The following ESRRG variants were observed in gnomAD, a reference collection of about 807,000 sequenced individuals.
ESRRG encodes the protein estrogen-related receptor gamma.
A neutral mutation model predicts 44.0 loss-of-function variants in ESRRG; 13 were observed. The observed-to-expected ratio is 0.30, with a 90% CI of 0.19 to 0.47. The LOEUF (loss-of-function observed/expected upper bound fraction) is 0.47. ESRRG is among the 20% of genes least tolerant of loss of function. ESRRG has a pLI of 1.00. For synonymous variants in ESRRG, 215 were observed against 214.6 expected, an observed-to-expected ratio of 1.00 and a Z score of -0.02; for missense variants, 395 against 580.6, an observed-to-expected ratio of 0.68 and a Z score of 3.29.
chr1:216,585,384 A>T (rs2063571475), intron 3 of ESRRG, among the ~76,000 whole-genome samples: 1 of 152,152 alleles, frequency 6.6e-6, no homozygotes, highest in Admixed American at 6.5e-5. Context: ...TCTAAGTTTG[A>T]CTCATACCTT....
At chr1:216,562,360 A>G (rs2058916061) in intron 5 of ESRRG, among the ~76,000 whole-genome samples, 1 of 152,130 alleles carries the variant, frequency 6.6e-6, no homozygotes, top group Non-Finnish European at 1.5e-5. Flanking sequence ...GCCACTCTGA[A>G]GGTACTGGAT....
intron 2 of ESRRG, among the ~76,000 whole-genome samples, chr1:216,861,639 AT>A (rs1244096498): frequency 2.6e-5 from 4 of 152,116 alleles, no homozygotes; most frequent in Non-Finnish European, 5.9e-5. Context: ...GATAGTCAAA[AT>A]TTTTTTCTTT....
chr1:217,082,224 C>T (rs1432012634), intron 1 of ESRRG, among the ~76,000 whole-genome samples: 6 of 152,164 alleles, frequency 3.9e-5, no homozygotes, highest in African/African-American at 1.4e-4. Flanking sequence ...AACCGAAGAC[C>T]ACTCTGGAGC....
intron 1 of ESRRG, among the ~76,000 whole-genome samples, chr1:217,003,324 C>T (rs773044954): frequency 6.6e-6 from 1 of 152,002 alleles, no homozygotes. Flanking sequence ...CTCAGTTTCT[C>T]AACCTATAAA....
chr1:216,889,985 G>T (rs530250150), intron 2 of ESRRG, among the ~76,000 whole-genome samples: 19 of 152,266 alleles, frequency 1.2e-4, no homozygotes, highest in Non-Finnish European at 2.5e-4. Flanking sequence ...ACTTTAATAG[G>T]CTGGGTATGG....
intron 2 of ESRRG, among the ~76,000 whole-genome samples, chr1:216,779,117 T>C (rs80193354): frequency 2.7e-5 from 3 of 109,936 alleles, no homozygotes; most frequent in South Asian, 5.0e-4. Context: ...TATATATATA[T>C]AATTATATAT....
At chr1:217,103,922 A>G (rs79027678) in intron 1 of ESRRG, among the ~76,000 whole-genome samples, 1,800 of 152,200 alleles carry the variant, frequency 0.012, 32 homozygotes, top group African/African-American at 0.038. Context: ...GGCACTGGAA[A>G]TAGTAGGGGA....
chr1:217,062,689 A>G (rs1182230147), intron 1 of ESRRG, among the ~76,000 whole-genome samples: 2 of 152,208 alleles, frequency 1.3e-5, no homozygotes, highest in Non-Finnish European at 2.9e-5. Flanking sequence ...TGCAACCAGC[A>G]CTACTGGTTT....
At chr1:216,592,906 C>T (rs577995810) in intron 3 of ESRRG, among the ~76,000 whole-genome samples, 5 of 152,176 alleles carry the variant, frequency 3.3e-5, no homozygotes, top group South Asian at 2.1e-4. Context: ...TCATCTGATT[C>T]GCATATTTAT....
chr1:216,509,051 T>C (rs1487476080), intron 6 of ESRRG, among the ~76,000 whole-genome samples: 2 of 152,212 alleles, frequency 1.3e-5, no homozygotes, highest in African/African-American at 2.4e-5. Flanking sequence ...ATAATACATT[T>C]ACCATTTATT....
chr1:216,928,553 T>C (rs17044349), intron 2 of ESRRG, among the ~76,000 whole-genome samples: 16,446 of 152,216 alleles, frequency 0.11, 949 homozygotes, highest in East Asian at 0.2. Flanking sequence ...TTTATGAGTT[T>C]CCTAAGCACA....
At chr1:216,979,760 C>T (rs1025649) in intron 1 of ESRRG, among the ~76,000 whole-genome samples, 129,990 of 152,140 alleles carry the variant, frequency 0.85, 55,706 homozygotes, top group East Asian at 1. Flanking sequence ...TGTTTAATAA[C>T]TGGAATGAAA....
At chr1:216,958,923 T>C (rs1457520614) in intron 1 of ESRRG, among the ~76,000 whole-genome samples, 2 of 152,180 alleles carry the variant, frequency 1.3e-5, no homozygotes, top group African/African-American at 2.4e-5. Context: ...TGGAATATTC[T>C]GCACAAAATA....
chr1:216,838,341 T>C (rs2095600243), intron 2 of ESRRG, among the ~76,000 whole-genome samples: 1 of 152,246 alleles, frequency 6.6e-6, no homozygotes, highest in South Asian at 2.1e-4. Context: ...ATAAAAGTGT[T>C]GTCTTTAGTA....
intron 2 of ESRRG, among the ~76,000 whole-genome samples, chr1:216,891,794 C>CT (rs35043282): frequency 0.034 from 3,484 of 102,292 alleles, 111 homozygotes; most frequent in Non-Finnish European, 0.045. Flanking sequence ...GTGGTGCCCG[C>CT]TTTTTTTTTT....
chr1:217,129,615 G>A (rs1012218301), intron 1 of ESRRG, among the ~76,000 whole-genome samples: 4 of 152,212 alleles, frequency 2.6e-5, no homozygotes, highest in Admixed American at 6.5e-5. Context: ...CAGCGATAAA[G>A]AGGGATGAAG....
intron 2 of ESRRG, among the ~76,000 whole-genome samples, chr1:216,828,201 G>T (rs1009444773): frequency 9.9e-5 from 15 of 152,138 alleles, no homozygotes; most frequent in African/African-American, 3.4e-4. Context: ...TAGCTATTAT[G>T]GAAATGGATT....
intron 2 of ESRRG, among the ~76,000 whole-genome samples, chr1:216,883,789 A>C (rs569179819): frequency 6.6e-6 from 1 of 152,328 alleles, no homozygotes; most frequent in African/African-American, 2.4e-5. Context: ...ACTGTGAAGA[A>C]TATCACTGCA....
At chr1:216,913,131 A>G (rs1262136212) in intron 2 of ESRRG, among the ~76,000 whole-genome samples, 1 of 150,776 alleles carries the variant, frequency 6.6e-6, no homozygotes, top group African/African-American at 2.4e-5. Flanking sequence ...AAAAAAAAAA[A>G]AGGAAAGAAA....
Sources: allele counts gnomAD v4.1 joint callset (sites outside exome capture counted in the v4.1 genomes callset), GRCh38; gene constraint gnomAD v4.1.1; transcripts MANE v1.5; gene names NCBI Gene and HGNC (gene_info 2026-07-23, HGNC 2026-07-21).